Variants in HEPH observed in about 807,000 individuals in gnomAD.
HEPH encodes the protein hephaestin.
Under a neutral mutation model 80.8 loss-of-function variants are expected in HEPH, and 69 were observed. The observed-to-expected ratio is 0.85, with a 90% CI of 0.70 to 1.04. HEPH has a LOEUF of 1.04. Among genes scored for constraint, HEPH ranks in the 50% least tolerant of loss-of-function variants. The pLI is 0.00. For missense variants in HEPH, 1,115 were observed against 891.3 expected, an observed-to-expected ratio of 1.25 and a Z score of -3.20; for synonymous variants, 431 against 322.8, an observed-to-expected ratio of 1.34 and a Z score of -3.60.
At chrX:66,268,722 A>T (rs752884423), downstream of HEPH, 3 of 111,602 alleles carry the variant, frequency 2.7e-5, no homozygotes, top group South Asian at 1.1e-3. Context: ...AAGGAATAGA[A>T]ACTCAGAGCC....
chrX:66,208,670 A>G (rs959885285), intron 15 of HEPH, among the ~76,000 whole-genome samples: 5 of 81,191 alleles, frequency 6.2e-5, no homozygotes, highest in African/African-American at 2.5e-4. Context: ...ATATATATAT[A>G]TATATATGAG....
chrX:66,168,341 T>A (rs946797448), intron 1 of HEPH, among the ~76,000 whole-genome samples: 5 of 112,320 alleles, frequency 4.5e-5, no homozygotes, highest in African/African-American at 1.6e-4. Flanking sequence ...TACTACTGCC[T>A]ACTATGTTCC....
downstream of HEPH, chrX:66,268,250 G>T (rs762508571): frequency 8.9e-6 from 1 of 111,999 alleles, no homozygotes; most frequent in Admixed American, 9.4e-5. Flanking sequence ...TTTTCTGTCT[G>T]TCCAGCAATC....
downstream of HEPH, chrX:66,268,133 G>A (rs1262045923): frequency 8.9e-6 from 1 of 111,881 alleles, no homozygotes; most frequent in Admixed American, 9.5e-5. Flanking sequence ...TAGAAGTTGA[G>A]CAGGGATTCA....
At chrX:66,231,263 C>T (rs2090126198) in intron 15 of HEPH, among the ~76,000 whole-genome samples, 1 of 108,881 alleles carries the variant, frequency 9.2e-6, no homozygotes, top group South Asian at 4.0e-4. Flanking sequence ...GATGCGGGCT[C>T]TTTTTTGGTT....
chrX:66,212,921 A>G (rs2089206871), intron 15 of HEPH, among the ~76,000 whole-genome samples: 1 of 110,377 alleles, frequency 9.1e-6, no homozygotes, highest in African/African-American at 3.3e-5. Flanking sequence ...TTTGGACAAT[A>G]TGGTCATTTT....
chrX:66,224,798 C>CT (rs968716125), intron 15 of HEPH, among the ~76,000 whole-genome samples: 95 of 110,388 alleles, frequency 8.6e-4, no homozygotes, highest in African/African-American at 2.9e-3. Flanking sequence ...ATAGGGTACA[C>CT]TTTTTTTTTC....
chrX:66,261,945 G>A (rs1189463184), intron 19 of HEPH, among the ~76,000 whole-genome samples: 4 of 111,815 alleles, frequency 3.6e-5, no homozygotes, highest in Non-Finnish European at 7.5e-5. Context: ...AAGACAACAG[G>A]TTTTCTCTAT....
chrX:66,230,060 A>T (rs1355506848), intron 15 of HEPH, among the ~76,000 whole-genome samples: 2 of 102,094 alleles, frequency 2.0e-5, no homozygotes, highest in Admixed American at 2.1e-4. Flanking sequence ...TTTGCTGAGA[A>T]TGATGATTTC....
rs1008165443 is a variant in HEPH, at chrX:66,266,969, T to A, written c.*297T>A. ...TTTCCTTCTGACACTTGGAAGGTAT[T>A]GAAATTTCTAGAAATGTATCCTTCT... On this transcript the variant is annotated 3_prime_UTR_variant, in exon 21 of 21. Coordinates refer to ENST00000343002, the MANE Select transcript of HEPH (RefSeq NM_001367233.3). The A allele has an allele frequency of 4.1e-6, 1 of 244,370 alleles. No individual in the cohort carries two copies. The highest frequency in any genetic ancestry group is 7.3e-6 in the Non-Finnish European group (1 of 137,309). 20.1% of individuals were successfully genotyped at this position (244,370 alleles called of 1,213,427 possible). A position where few individuals can be genotyped will look rare whatever the true frequency, so the allele number is the denominator to read the frequency against.
chrX:66,224,307 A>C (rs1259214858), intron 15 of HEPH, among the ~76,000 whole-genome samples: 1 of 110,936 alleles, frequency 9.0e-6, no homozygotes, highest in Non-Finnish European at 1.9e-5. Flanking sequence ...TTAACTTAGA[A>C]TTGGTATAGA....
At position 66,266,396 on chromosome X, in the gene HEPH, T is replaced by A. The variant is rs367584124; in HGVS notation, c.3245-44T>A. 191 of 1,015,150 alleles carry A rather than the reference T, an allele frequency of 1.9e-4. No individual in the cohort carries two copies. The Middle Eastern group carries it at 4.6e-3, about 24-fold the overall frequency. The allele number at this position is 1,015,150 out of a possible 1,213,427, so 83.7% of individuals were successfully genotyped here. A position where few individuals can be genotyped will look rare whatever the true frequency, so the allele number is the denominator to read the frequency against. On this transcript the variant is annotated intron_variant, in intron 20 of 20. Transcript: ENST00000343002. Reference sequence around the variant, plus strand: ...GACTATAGATAGTTACCTTTTAGAGTACTCCCCATCCCAGGATGCCCATTT... The same window carrying A: ...GACTATAGATAGTTACCTTTTAGAGAACTCCCCATCCCAGGATGCCCATTT...
chrX:66,178,709 T>C (rs1338417296), intron 4 of HEPH, among the ~76,000 whole-genome samples: 1 of 112,626 alleles, frequency 8.9e-6, no homozygotes, highest in African/African-American at 3.2e-5. Flanking sequence ...TGATGAGCAT[T>C]TTTTCATGTG....
At chrX:66,254,288 G>A (rs1222195576) in intron 15 of HEPH, among the ~76,000 whole-genome samples, 1 of 110,989 alleles carries the variant, frequency 9.0e-6, no homozygotes, top group Non-Finnish European at 1.9e-5. Flanking sequence ...ATATAGGGTA[G>A]AGGTATAATC....
intron 4 of HEPH, among the ~76,000 whole-genome samples, chrX:66,174,016 A>AT (rs199758238): frequency 7.1e-4 from 77 of 107,982 alleles, no homozygotes; most frequent in South Asian, 5.3e-3. Context: ...GTTAGGAACA[A>AT]TTTTTTTTTC....
Position 66,173,731 on chromosome X carries a change from C to T in HEPH, c.555C>T (p.Tyr185=). The T allele has an allele frequency of 2.5e-6, 3 of 1,208,753 alleles. No individual in the cohort carries two copies. The highest frequency in any genetic ancestry group is 3.4e-6 in the Non-Finnish European group (3 of 893,966). ...ACCCAGCGTGCCTCACCTGGATCTA[C>T]CATTCTCATGTAGATGCTCCACGAG... ...DADPACLTWI[Y]HSHVDAPRDI... Residue 185 remains tyrosine (Y), a synonymous_variant, in exon 4 of 21, where the codon TAC becomes TAT. Transcript: ENST00000343002.
In HEPH at chrX:66,263,639, A is replaced by T; in HGVS notation, c.3200-5A>T. ...TAACCTCTTGTCTTTTTTCCCCCCA[A>T]CCAGAACACTTAAGCCCTCTCACCG... On this transcript the variant is annotated splice_polypyrimidine_tract_variant and splice_region_variant and intron_variant, in intron 19 of 20. Transcript: ENST00000343002. 4 of 1,210,107 alleles carry T rather than the reference A, an allele frequency of 3.3e-6. No homozygotes were observed. The highest frequency in any genetic ancestry group is 4.5e-6 in the Non-Finnish European group (4 of 894,357).
intron 15 of HEPH, among the ~76,000 whole-genome samples, chrX:66,228,815 A>G (rs1344154482): frequency 8.9e-6 from 1 of 112,201 alleles, no homozygotes; most frequent in East Asian, 2.8e-4. Flanking sequence ...TCAAATCAAA[A>G]CCACAGTGTG....
chrX:66,197,052 T>C (rs752515579), intron 9 of HEPH, among the ~76,000 whole-genome samples: 11 of 110,909 alleles, frequency 9.9e-5, no homozygotes, highest in Non-Finnish European at 1.7e-4. Flanking sequence ...TAAATTAATT[T>C]GTAAAAAAGT....
Sources: allele counts gnomAD v4.1 joint callset (sites outside exome capture counted in the v4.1 genomes callset), GRCh38; gene constraint gnomAD v4.1.1; transcripts MANE v1.5; gene names NCBI Gene and HGNC (gene_info 2026-07-23, HGNC 2026-07-21).